LYG1: variants seen among roughly 807,000 people sequenced by gnomAD.
The protein encoded by LYG1 is lysozyme g-like protein 1.
LYG1 carries 17 observed loss-of-function variants against 21.7 expected under a neutral mutation model. The observed-to-expected ratio is 0.78, with a 90% CI of 0.54 to 1.18. LYG1 has a LOEUF of 1.18. Ranked by LOEUF, LYG1 falls within the 50% of genes most tolerant of loss-of-function variation. The probability of loss-of-function intolerance (pLI) is 0.00; values close to 1 mark genes in which losing one functional copy is unlikely to be tolerated. For synonymous variants in LYG1, 81 were observed against 87.4 expected (o/e 0.93, Z 0.41); for missense variants, 211 against 238.1 (o/e 0.89, Z 0.75).
chr2:99,286,352 G>A (rs1212920673), intron 5 of LYG1, among the ~76,000 whole-genome samples: 1 of 152,206 alleles, frequency 6.6e-6, no homozygotes, highest in Non-Finnish European at 1.5e-5. Context: ...TGATGGCAAT[G>A]CAAAATGGTG....
chr2:99,294,970 C>T (rs560788380), intron 3 of LYG1, among the ~76,000 whole-genome samples: 1 of 152,088 alleles, frequency 6.6e-6, no homozygotes, highest in African/African-American at 2.4e-5. Flanking sequence ...GGTGTAGTGA[C>T]AGGCGCCTGT....
At chr2:99,290,561 T>G (rs1361540430) in intron 5 of LYG1, among the ~76,000 whole-genome samples, 1 of 152,192 alleles carries the variant, frequency 6.6e-6, no homozygotes, top group Non-Finnish European at 1.5e-5. Context: ...CACAGGTTCC[T>G]CAACAACAAC....
At chr2:99,293,542 C>A (rs1377939196) in intron 3 of LYG1, among the ~76,000 whole-genome samples, 1 of 152,192 alleles carries the variant, frequency 6.6e-6, no homozygotes, top group Admixed American at 6.5e-5. Flanking sequence ...AGGCATGGGA[C>A]CAGTCTCCAC....
intron 2 of LYG1, among the ~76,000 whole-genome samples, chr2:99,297,952 T>G (rs369388443): frequency 2.6e-4 from 39 of 152,300 alleles, no homozygotes; most frequent in African/African-American, 9.1e-4. Context: ...AGGCTTCAAG[T>G]GATCCTTCCA....
upstream of LYG1, among the ~76,000 whole-genome samples, chr2:99,304,407 T>C (rs555436512): frequency 2.6e-5 from 4 of 152,356 alleles, no homozygotes; most frequent in South Asian, 4.1e-4. Context: ...CAAGTGGAAC[T>C]GTGAATCTGT....
upstream of LYG1, among the ~76,000 whole-genome samples, chr2:99,304,376 T>C (rs2094161537): frequency 3.9e-5 from 6 of 152,234 alleles, no homozygotes. Context: ...CCTTCCGCCA[T>C]GATTGTGAGG....
At chr2:99,295,901 A>C (rs1331932219) in intron 2 of LYG1, among the ~76,000 whole-genome samples, 199 bp from the exon 3 acceptor site, 1 of 152,130 alleles carries the variant, frequency 6.6e-6, no homozygotes, top group African/African-American at 2.4e-5. Flanking sequence ...AATTAATCTA[A>C]AAATGAGAAG....
In LYG1 at chr2:99,295,685, T is replaced by C. The variant is rs201229954; in HGVS notation, c.-15A>G. 1.1e-4 allele frequency: 172 copies of C among 1,614,026 alleles called. No homozygotes were observed. The highest frequency in any genetic ancestry group is 4.7e-4 in the Admixed American group (28 of 60,000). On this transcript the variant is annotated 5_prime_UTR_variant, in exon 3 of 7. Coordinates refer to ENST00000308528, the MANE Select transcript of LYG1 (RefSeq NM_174898.3). ...AATGCAGACATGATGACGATCTGGC[T>C]CTACGGCTCCTGAAACACTTTTAAA...
intron 4 of LYG1, 87 bp from the exon 5 acceptor site, chr2:99,291,508 G>A (rs1163950657): frequency 5.0e-6 from 7 of 1,411,326 alleles, no homozygotes; most frequent in Non-Finnish European, 6.8e-6. Flanking sequence ...AACAATCCAA[G>A]GATCTGAGTA....
chr2:99,290,104 C>T (rs1385826879), intron 5 of LYG1, among the ~76,000 whole-genome samples: 2 of 152,190 alleles, frequency 1.3e-5, no homozygotes, highest in Non-Finnish European at 2.9e-5. Flanking sequence ...GTAATCCACC[C>T]TCCTCGTCCT....
At position 99,284,454 on chromosome 2, in the gene LYG1, C is replaced by T; in HGVS notation, c.524G>A (p.Ser175Asn). Residue 175 changes from serine (S) to asparagine (N), a missense_variant, in exon 7 of 7, where the codon AGC (serine) becomes AAC (asparagine). Coordinates refer to ENST00000308528, the MANE Select transcript of LYG1 (RefSeq NM_174898.3). ...AGYVRSSQDL[S>N]CDFCNDVLAR... ...AAGGACATCATTGCAGAAGTCACAG[C>T]TCAGGTCCTGGCTGCTTCGGACATA... is the stretch of plus-strand genomic sequence containing the variant. The T allele has an allele frequency of 6.2e-7, 1 of 1,614,220 alleles. No homozygotes were observed. The highest frequency in any genetic ancestry group is 8.5e-7 in the Non-Finnish European group (1 of 1,180,044).
chr2:99,292,464 A>C, intron 4 of LYG1, 72 bp downstream of exon 4: 1 of 1,149,898 alleles, frequency 8.7e-7, no homozygotes, highest in Non-Finnish European at 1.3e-6. Flanking sequence ...TCTTTCCAAC[A>C]CTCAGTAGCG....
At chr2:99,302,829 C>G (rs532475534), upstream of LYG1, among the ~76,000 whole-genome samples, 14 of 151,844 alleles carry the variant, frequency 9.2e-5, no homozygotes, top group Non-Finnish European at 1.9e-4. Context: ...ACCAGCCTGG[C>G]CAACATGGCG....
chr2:99,297,491 C>T (rs1003292440), intron 2 of LYG1, among the ~76,000 whole-genome samples: 1 of 152,178 alleles, frequency 6.6e-6, no homozygotes, highest in South Asian at 2.1e-4. Flanking sequence ...CTCTTGGAAA[C>T]CCAAGTGGAA....
rs984497802 is a variant in LYG1, at chr2:99,291,133, C to A, written c.333+104G>T. On this transcript the variant is annotated intron_variant, in intron 5 of 6. Transcript: ENST00000308528. ...ACTGTCACTGTCACAGCTCTAGAGA[C>A]CTTCATTCATGCTGTGTTCTGTGAA... 3 of 1,092,418 alleles carry A rather than the reference C, an allele frequency of 2.7e-6. No individual in the cohort carries two copies. In the South Asian group the frequency reaches 4.6e-5, roughly 17 times the overall value. 67.7% of individuals were successfully genotyped at this position (1,092,418 alleles called of 1,614,324 possible). A position where few individuals can be genotyped will look rare whatever the true frequency, so the allele number is the denominator to read the frequency against.
chr2:99,295,676 C>A lies in LYG1; in HGVS notation c.-6G>T. 6.2e-7 allele frequency: 1 copy of A among 1,614,116 alleles called. No individual in the cohort carries two copies. Among genetic ancestry groups the A allele is most frequent in the East Asian group, 2.2e-5 (1 of 44,884 alleles). On this transcript the variant is annotated 5_prime_UTR_variant, in exon 3 of 7. Coordinates refer to ENST00000308528, the MANE Select transcript of LYG1 (RefSeq NM_174898.3). ...AGCAGCCACAATGCAGACATGATGACGATCTGGCTCTACGGCTCCTGAAAC... is the reference window on the plus strand; with the variant it reads ...AGCAGCCACAATGCAGACATGATGAAGATCTGGCTCTACGGCTCCTGAAAC...
At chr2:99,286,774 A>G (rs968058178) in intron 5 of LYG1, among the ~76,000 whole-genome samples, 4 of 152,210 alleles carry the variant, frequency 2.6e-5, no homozygotes, top group African/African-American at 9.6e-5. Context: ...GTATTCATCC[A>G]AAAGAATTGG....
intron 2 of LYG1, among the ~76,000 whole-genome samples, chr2:99,296,643 T>G (rs1330971633): frequency 6.6e-6 from 1 of 152,178 alleles, no homozygotes; most frequent in Non-Finnish European, 1.5e-5. Context: ...GCCCTGCCAC[T>G]CCAGGGTGTA....
intron 1 of LYG1, among the ~76,000 whole-genome samples, chr2:99,299,384 T>C (rs912337641): frequency 6.6e-6 from 1 of 151,562 alleles, no homozygotes; most frequent in African/African-American, 2.4e-5. Flanking sequence ...TATAAGCCTG[T>C]AAGAATGTCT....
Sources: allele counts gnomAD v4.1 joint callset (sites outside exome capture counted in the v4.1 genomes callset), GRCh38; gene constraint gnomAD v4.1.1; transcripts MANE v1.5; gene names NCBI Gene and HGNC (gene_info 2026-07-23, HGNC 2026-07-21).